The following PARD3 variants were observed in gnomAD, a reference collection of about 807,000 sequenced individuals.
The protein encoded by PARD3 is par-3 family cell polarity regulator, also known as partitioning defective 3 homolog.
A neutral mutation model predicts 155.4 loss-of-function variants in PARD3; 75 were observed. The observed-to-expected ratio is 0.48, with a 90% CI of 0.40 to 0.58. The LOEUF (loss-of-function observed/expected upper bound fraction) is 0.58, where lower values mean the gene tolerates loss of function less well. PARD3 is among the 20% of genes least tolerant of loss of function. The pLI, the probability that PARD3 is intolerant of heterozygous loss-of-function variation, is 0.00. For synonymous variants in PARD3, 576 were observed against 610.5 expected, an observed-to-expected ratio of 0.94 and a Z score of 0.83; for missense variants, 1,642 against 1,721.7, an observed-to-expected ratio of 0.95 and a Z score of 0.82.
chr10:34,691,727 C>T (rs1485094514), intron 2 of PARD3, among the ~76,000 whole-genome samples: 1 of 152,208 alleles, frequency 6.6e-6, no homozygotes, highest in African/African-American at 2.4e-5. Context: ...CAGCATGGTA[C>T]TGGTACAAAA....
chr10:34,573,601 G>C (rs2086611826), intron 2 of PARD3, among the ~76,000 whole-genome samples: 1 of 152,018 alleles, frequency 6.6e-6, no homozygotes. Context: ...CAACTACTAA[G>C]GAGGCTGAGG....
chr10:34,140,875 G>A (rs957270715), intron 22 of PARD3, among the ~76,000 whole-genome samples: 2 of 152,074 alleles, frequency 1.3e-5, no homozygotes, highest in Non-Finnish European at 2.9e-5. Flanking sequence ...AACAAGGGCC[G>A]CTTTTTTTGT....
At chr10:34,253,051 A>G (rs971763096) in intron 22 of PARD3, among the ~76,000 whole-genome samples, 1 of 152,240 alleles carries the variant, frequency 6.6e-6, no homozygotes, top group Admixed American at 6.5e-5. Context: ...TAAAAAACCA[A>G]GACAATTCAA....
At chr10:34,163,450 TAGAA>T (rs1949379356) in intron 22 of PARD3, among the ~76,000 whole-genome samples, 2 of 152,188 alleles carry the variant, frequency 1.3e-5, no homozygotes, top group Non-Finnish European at 1.5e-5. Flanking sequence ...TGTAGTTAAA[TAGAA>T]AGGAATGTCG....
chr10:34,348,781 C>T (rs1837696249), intron 14 of PARD3, among the ~76,000 whole-genome samples: 1 of 151,874 alleles, frequency 6.6e-6, no homozygotes, highest in Non-Finnish European at 1.5e-5. Flanking sequence ...AAATCGGGAC[C>T]AAATATTCTA....
chr10:34,145,219 ATATTTTTTTTT>A (rs1948435245), intron 22 of PARD3, among the ~76,000 whole-genome samples: 1 of 53,526 alleles, frequency 1.9e-5, no homozygotes, highest in South Asian at 6.3e-4. Flanking sequence ...ATATATATAT[ATATTTTTTTTT>A]TTTTTTTTTT....
At chr10:34,400,352 G>T (rs1217779114) in intron 6 of PARD3, among the ~76,000 whole-genome samples, 1 of 152,146 alleles carries the variant, frequency 6.6e-6, no homozygotes, top group South Asian at 2.1e-4. Flanking sequence ...GTATGGATTT[G>T]TCAAGTCTAT....
At chr10:34,485,771 G>C (rs1246383835) in intron 3 of PARD3, among the ~76,000 whole-genome samples, 2 of 152,126 alleles carry the variant, frequency 1.3e-5, no homozygotes, top group African/African-American at 2.4e-5. Flanking sequence ...CCTTGCGAGA[G>C]AGATTTGTGG....
At chr10:34,433,569 C>T (rs1408652380) in intron 5 of PARD3, among the ~76,000 whole-genome samples, 2 of 152,066 alleles carry the variant, frequency 1.3e-5, no homozygotes, top group East Asian at 3.8e-4. Flanking sequence ...CCCCAAGGGA[C>T]TTAAAATATG....
In PARD3 at chr10:34,119,702, C is replaced by T. The variant is rs200437339; in HGVS notation, c.3579G>A (p.Ser1193=). 101 of 1,612,932 alleles carry T rather than the reference C, an allele frequency of 6.3e-5. No homozygotes were observed. Among genetic ancestry groups the T allele is most frequent in the Middle Eastern group, 3.3e-4 (2 of 6,062 alleles). ...GCTGCATCTGCACCTCCACGGACAC[C>T]GAGTGTCGCCCGCTCTGCGTCGCCG... The part of the protein sequence containing the change: ...ARPATQSGRH[S]VSVEVQMQRQ... Residue 1193 remains serine, a synonymous_variant, in exon 24 of 25, where the codon TCG becomes TCA. Coordinates refer to ENST00000374788, the MANE Select transcript of PARD3 (RefSeq NM_001184785.2).
chr10:34,675,009 C>T (rs1590578487), intron 2 of PARD3, among the ~76,000 whole-genome samples: 1 of 152,054 alleles, frequency 6.6e-6, no homozygotes, highest in Non-Finnish European at 1.5e-5. Flanking sequence ...ATATAAAATC[C>T]ACCCAATTTG....
At chr10:34,661,452 A>G (rs565195191) in intron 2 of PARD3, among the ~76,000 whole-genome samples, 12 of 152,338 alleles carry the variant, frequency 7.9e-5, no homozygotes, top group African/African-American at 2.6e-4. Context: ...AAATTTGATG[A>G]AAGAACATGA....
intron 22 of PARD3, among the ~76,000 whole-genome samples, chr10:34,233,425 C>A (rs12252951): frequency 0.028 from 4,274 of 152,114 alleles, 97 homozygotes; most frequent in Non-Finnish European, 0.039. Flanking sequence ...TTCTCTCCCT[C>A]GATGATATCG....
chr10:34,658,506 C>A (rs915409348), intron 2 of PARD3, among the ~76,000 whole-genome samples: 5 of 151,886 alleles, frequency 3.3e-5, no homozygotes, highest in African/African-American at 1.2e-4. Context: ...ACCCACCCTC[C>A]GAGGAGAAGA....
At chr10:34,483,631 T>C (rs1222340177) in intron 3 of PARD3, among the ~76,000 whole-genome samples, 3 of 152,146 alleles carry the variant, frequency 2.0e-5, no homozygotes, top group African/African-American at 2.4e-5. Context: ...CAGCCCCAGA[T>C]AGAATGTAAG....
At chr10:34,637,598 C>G (rs2092527322) in intron 2 of PARD3, among the ~76,000 whole-genome samples, 1 of 152,162 alleles carries the variant, frequency 6.6e-6, no homozygotes, top group Non-Finnish European at 1.5e-5. Flanking sequence ...AAAAATGCCC[C>G]CCACACCTGC....
chr10:34,516,934 T>C (rs2081811556), intron 3 of PARD3, 45 bp downstream of exon 3: 2 of 1,562,568 alleles, frequency 1.3e-6, no homozygotes, highest in Non-Finnish European at 1.8e-6. Flanking sequence ...TTGGTATTCC[T>C]GTAAATTAAG....
At chr10:34,680,395 CT>C (rs2093788830) in intron 2 of PARD3, among the ~76,000 whole-genome samples, 1 of 151,864 alleles carries the variant, frequency 6.6e-6, no homozygotes, top group African/African-American at 2.4e-5. Flanking sequence ...CCCATCTCTA[CT>C]AAAAAATAAA....
At chr10:34,415,831 T>C (rs1845617211) in intron 5 of PARD3, among the ~76,000 whole-genome samples, 1 of 152,190 alleles carries the variant, frequency 6.6e-6, no homozygotes, top group African/African-American at 2.4e-5. Context: ...ACCTATTAAG[T>C]GCATACATAC....
Sources: allele counts gnomAD v4.1 joint callset (sites outside exome capture counted in the v4.1 genomes callset), GRCh38; gene constraint gnomAD v4.1.1; transcripts MANE v1.5; gene names NCBI Gene and HGNC (gene_info 2026-07-23, HGNC 2026-07-21).